Variants in CHPT1 observed in about 807,000 individuals in gnomAD.
CHPT1 encodes cholinephosphotransferase 1.
A neutral mutation model predicts 47.6 loss-of-function variants in CHPT1; 36 were observed. The ratio of observed to expected loss-of-function variants is 0.76; its 90% CI spans 0.58 to 1.00. The LOEUF (loss-of-function observed/expected upper bound fraction) is 1.00. Among genes scored for constraint, CHPT1 ranks in the 50% least tolerant of loss-of-function variants. The probability of loss-of-function intolerance (pLI) is 0.00; values close to 1 mark genes in which losing one functional copy is unlikely to be tolerated. For missense variants in CHPT1, 458 were observed against 498.1 expected (o/e 0.92, Z 0.77); for synonymous variants, 194 against 186.3 (o/e 1.04, Z -0.33).
chr12:101,722,707 T>TAAAAA (rs10605402), intron 5 of CHPT1, among the ~76,000 whole-genome samples: 2 of 113,780 alleles, frequency 1.8e-5, no homozygotes, highest in Non-Finnish European at 2.0e-5. Context: ...CACAAAAAAT[T>TAAAAA]AAAAAAAAAA....
intron 4 of CHPT1, 31 bp downstream of exon 4, chr12:101,716,843 G>A (rs1462179055): frequency 2.3e-6 from 3 of 1,317,010 alleles, no homozygotes; most frequent in Admixed American, 2.3e-5. Flanking sequence ...TTATATTTAA[G>A]TACTTTTCAA....
chr12:101,698,195 C>T, intron 1 of CHPT1, 61 bp downstream of exon 1: 2 of 1,369,414 alleles, frequency 1.5e-6, no homozygotes, highest in Non-Finnish European at 1.9e-6. Flanking sequence ...TCGCTGGAGG[C>T]GCCGGGGGAA....
Position 101,713,108 on chromosome 12 carries a change from A to T in CHPT1, c.274-982A>T. ...GTTAGGGCTGTCCAGAGAAGCCTTCAGTCTAGGGTTAATTTATGCCTGCTG... is the reference window on the plus strand; with the variant it reads ...GTTAGGGCTGTCCAGAGAAGCCTTCTGTCTAGGGTTAATTTATGCCTGCTG... On this transcript the variant is annotated intron_variant, in intron 1 of 8. Coordinates refer to ENST00000229266, the MANE Select transcript of CHPT1 (RefSeq NM_020244.3). 1.3e-5 allele frequency among the ~76,000 whole-genome samples: 2 copies of T among 148,436 alleles called. 1 individual carries two copies. The highest frequency in any genetic ancestry group is 4.0e-4 in the East Asian group (2 of 4,976).
intron 1 of CHPT1, among the ~76,000 whole-genome samples, chr12:101,713,680 G>C (rs1014116502): frequency 7.6e-6 from 1 of 131,962 alleles, no homozygotes; most frequent in African/African-American, 2.5e-5. Context: ...TATAAGGTGG[G>C]AGAGCAAATC....
intron 1 of CHPT1, 54 bp downstream of exon 1, chr12:101,698,188 C>T: frequency 7.3e-7 from 1 of 1,375,180 alleles, no homozygotes; most frequent in Non-Finnish European, 9.4e-7. Context: ...GGGCGGGTCG[C>T]TGGAGGCGCC....
chr12:101,697,832 C>G lies in CHPT1; in HGVS notation c.-30C>G, dbSNP rs1951484405. ...CCCAGCGCCAGGCGCGGGCTGCGCT[C>G]GGTGGCGGCGGCGGGGCCCTCAGGC... On this transcript the variant is annotated 5_prime_UTR_variant, in exon 1 of 9. Coordinates refer to ENST00000229266, the MANE Select transcript of CHPT1 (RefSeq NM_020244.3). 1 of 924,552 alleles carries G rather than the reference C, an allele frequency of 1.1e-6. No individual in the cohort carries two copies. Among genetic ancestry groups the G allele is most frequent in the African/African-American group, 1.8e-5 (1 of 56,234 alleles). The allele number at this position is 924,552 out of a possible 1,614,324, so 57.3% of individuals were successfully genotyped here. A position where few individuals can be genotyped will look rare whatever the true frequency, so the allele number is the denominator to read the frequency against.
intron 4 of CHPT1, among the ~76,000 whole-genome samples, chr12:101,718,770 T>C (rs1951803285): frequency 6.6e-6 from 1 of 151,990 alleles, no homozygotes; most frequent in Non-Finnish European, 1.5e-5. Flanking sequence ...TTTTAAGTAG[T>C]AGTGATAGAT....
At chr12:101,727,871 G>C (rs899047376) in intron 8 of CHPT1, 1 of 152,204 alleles carries the variant, frequency 6.6e-6, no homozygotes, top group Admixed American at 6.5e-5. Flanking sequence ...TTATCTGTAG[G>C]CACCTGTTTT....
intron 1 of CHPT1, 130 bp from the exon 2 acceptor site, chr12:101,713,960 C>A: frequency 1.8e-6 from 1 of 549,062 alleles, no homozygotes; most frequent in Non-Finnish European, 3.2e-6. Context: ...TAATTCGCAT[C>A]TGTAGAATGA....
At chr12:101,698,389 C>T (rs1951497835) in intron 1 of CHPT1, among the ~76,000 whole-genome samples, 1 of 152,232 alleles carries the variant, frequency 6.6e-6, no homozygotes, top group Non-Finnish European at 1.5e-5. Flanking sequence ...GGTCCTATGT[C>T]CGCGCAGATC....
chr12:101,724,812 T>C (rs1030058954), intron 7 of CHPT1, among the ~76,000 whole-genome samples: 2 of 152,210 alleles, frequency 1.3e-5, no homozygotes, highest in African/African-American at 4.8e-5. Context: ...AGAGACACGT[T>C]AGCCATCTAA....
At chr12:101,703,502 T>C (rs1951583750) in intron 1 of CHPT1, among the ~76,000 whole-genome samples, 1 of 152,228 alleles carries the variant, frequency 6.6e-6, no homozygotes, top group Non-Finnish European at 1.5e-5. Flanking sequence ...ATAACCTGCC[T>C]AATTTCCTAA....
At chr12:101,714,414 C>A in intron 2 of CHPT1, 90 bp from the exon 3 acceptor site, 1 of 1,233,784 alleles carries the variant, frequency 8.1e-7, no homozygotes. Context: ...TGATTATTTC[C>A]TTAGAGCTCT....
Position 101,697,888 on chromosome 12 carries a change from C to A in CHPT1, c.27C>A (p.Ser9=). 8.1e-7 allele frequency: 1 copy of A among 1,234,132 alleles called. No homozygotes were observed. The highest frequency in any genetic ancestry group is 1.0e-6 in the Non-Finnish European group (1 of 990,008). 76.4% of individuals were successfully genotyped at this position (1,234,132 alleles called of 1,614,324 possible). The change falls in exon 1 of 9, where the codon TCC becomes TCA. Residue 9 remains serine, a synonymous_variant. Transcript: ENST00000229266. The part of the protein sequence containing the change: MAAGAGAG[S]APRWLRALSE... ...TGGCGGCAGGCGCCGGGGCCGGGTC[C>A]GCGCCGCGCTGGCTGAGGGCGCTGA... is the stretch of plus-strand genomic sequence containing the variant.
intron 3 of CHPT1, chr12:101,714,856 T>G: frequency 2.6e-6 from 1 of 386,692 alleles, no homozygotes; most frequent in Admixed American, 4.5e-5. Context: ...TTTATTTTTC[T>G]TCTCCTCTTC....
intron 8 of CHPT1, chr12:101,728,243 C>CCAT (rs1237208761): frequency 2.6e-5 from 4 of 152,084 alleles, no homozygotes; most frequent in Admixed American, 6.6e-5. Flanking sequence ...GAGTGAGACT[C>CCAT]CATCTCAAAA....
At chr12:101,706,939 C>A (rs1007610973) in intron 1 of CHPT1, among the ~76,000 whole-genome samples, 1 of 152,198 alleles carries the variant, frequency 6.6e-6, no homozygotes, top group African/African-American at 2.4e-5. Flanking sequence ...AAGTCATGAA[C>A]ATCATTGTCA....
At chr12:101,726,426 C>T (rs1018982166) in intron 8 of CHPT1, 22 bp downstream of exon 8, 2 of 1,589,804 alleles carry the variant, frequency 1.3e-6, no homozygotes, top group Admixed American at 1.7e-5. Context: ...TATTGACTGA[C>T]TAATAGCCCA....
rs1355504210 is a variant in CHPT1 at position 101,697,823 on chromosome 12, G to T, written c.-39G>T. The T allele has an allele frequency of 3.5e-6, 3 of 852,616 alleles. No homozygotes were observed. Among genetic ancestry groups the T allele is most frequent in the Non-Finnish European group, 4.3e-6 (3 of 696,834 alleles). The allele number at this position is 852,616 out of a possible 1,614,324, so 52.8% of individuals were successfully genotyped here. ...CTCCCTGCCCCCAGCGCCAGGCGCGGGCTGCGCTCGGTGGCGGCGGCGGGG... is the reference window on the plus strand; with the variant it reads ...CTCCCTGCCCCCAGCGCCAGGCGCGTGCTGCGCTCGGTGGCGGCGGCGGGG... On this transcript the variant is annotated 5_prime_UTR_variant, in exon 1 of 9. Coordinates refer to ENST00000229266, the MANE Select transcript of CHPT1 (RefSeq NM_020244.3).
Sources: gnomAD v4.1 joint callset for allele counts (sites outside exome capture counted in the v4.1 genomes callset) on GRCh38, gnomAD v4.1.1 for gene constraint, MANE v1.5 for transcripts, NCBI Gene and HGNC (gene_info 2026-07-23, HGNC 2026-07-21) for gene names.